The following SIMC1 variants were observed in gnomAD, a reference collection of about 807,000 sequenced individuals.
The protein encoded by SIMC1 is SUMO-interacting motif-containing protein 1.
A neutral mutation model predicts 82.3 loss-of-function variants in SIMC1; 55 were observed. That is an observed-to-expected ratio of 0.67 (90% CI 0.54 to 0.84). The LOEUF (loss-of-function observed/expected upper bound fraction) is 0.84. Among genes scored for constraint, SIMC1 ranks in the 40% least tolerant of loss-of-function variants. The probability of loss-of-function intolerance (pLI) is 0.00; values close to 1 mark genes in which losing one functional copy is unlikely to be tolerated. For missense variants in SIMC1, 915 were observed against 1,107.2 expected, an observed-to-expected ratio of 0.83 and a Z score of 2.46; for synonymous variants, 353 against 426.3, an observed-to-expected ratio of 0.83 and a Z score of 2.12.
At chr5:176,246,062 T>C (rs1581212336) in intron 1 of SIMC1, among the ~76,000 whole-genome samples, 1 of 144,264 alleles carries the variant, frequency 6.9e-6, no homozygotes, top group Non-Finnish European at 1.5e-5. Context: ...CAGGCTGGAG[T>C]GCAGTGGCAC....
At chr5:176,310,090 T>C (rs1190161726) in intron 4 of SIMC1, among the ~76,000 whole-genome samples, 1 of 152,150 alleles carries the variant, frequency 6.6e-6, no homozygotes. Context: ...GGAATGCAAA[T>C]TGAAACCACA....
chr5:176,302,729 C>T (rs1032077962), intron 4 of SIMC1, among the ~76,000 whole-genome samples: 1 of 151,630 alleles, frequency 6.6e-6, no homozygotes, highest in Non-Finnish European at 1.5e-5. Context: ...ATAAAACCAG[C>T]TCACAAAACT....
intron 4 of SIMC1, chr5:176,308,687 G>T (rs578148925): frequency 6.5e-7 from 1 of 1,545,038 alleles, no homozygotes; most frequent in Admixed American, 1.7e-5. Context: ...AAGAGGAAAG[G>T]TATGAGAGAA....
chr5:176,283,176 C>A (rs1441853635), intron 1 of SIMC1, among the ~76,000 whole-genome samples: 1 of 152,124 alleles, frequency 6.6e-6, no homozygotes, highest in African/African-American at 2.4e-5. Context: ...ATAGAGAATG[C>A]CACAAAGATA....
At chr5:176,287,672 CAAACACTTAAA>C (rs1763355606) in intron 1 of SIMC1, among the ~76,000 whole-genome samples, 2 of 143,952 alleles carry the variant, frequency 1.4e-5, no homozygotes, top group African/African-American at 5.2e-5. Context: ...AAAATGTAAG[CAAACACTTAAA>C]AAAATAAAAT....
At chr5:176,249,449 T>A (rs1761566929) in intron 1 of SIMC1, among the ~76,000 whole-genome samples, 1 of 152,104 alleles carries the variant, frequency 6.6e-6, no homozygotes, top group Non-Finnish European at 1.5e-5. Context: ...AGTGGCGATA[T>A]CCCCTTTATT....
chr5:176,322,172 C>T (rs1325630611), intron 5 of SIMC1, 101 bp from the exon 6 acceptor site: 3 of 1,362,218 alleles, frequency 2.2e-6, no homozygotes, highest in East Asian at 2.5e-5. Context: ...TAGTTCTGAG[C>T]ACCATAAATA....
chr5:176,257,311 A>AT (rs1225896267), intron 1 of SIMC1, among the ~76,000 whole-genome samples: 1 of 152,206 alleles, frequency 6.6e-6, no homozygotes, highest in African/African-American at 2.4e-5. Context: ...TTATATAAAA[A>AT]TTTTTTTTAA....
chr5:176,316,768 C>T lies in SIMC1; in HGVS notation c.1889+2923C>T, dbSNP rs541218373. ...CAGCACTTTGGGAGGCCAAGGTGGG[C>T]GGATCACATGAGGCCAGGAGTTTGA... On this transcript the variant is annotated intron_variant, in intron 5 of 9. Coordinates refer to ENST00000429602, the MANE Select transcript of SIMC1 (RefSeq NM_001308195.2). Among the ~76,000 whole-genome samples the T allele has an allele frequency of 4.6e-5, 7 of 152,022 alleles. 1 individual carries two copies. In the South Asian group the frequency reaches 1.5e-3, roughly 32 times the overall value.
intron 7 of SIMC1, among the ~76,000 whole-genome samples, chr5:176,332,283 GT>G (rs1328870409): frequency 6.6e-6 from 1 of 151,876 alleles, no homozygotes; most frequent in African/African-American, 2.4e-5. Context: ...CTTTTTGTTT[GT>G]TTTTGTTTGT....
At chr5:176,261,555 T>G (rs1397462391) in intron 1 of SIMC1, among the ~76,000 whole-genome samples, 1 of 151,998 alleles carries the variant, frequency 6.6e-6, no homozygotes, top group African/African-American at 2.4e-5. Context: ...GAGACCAGCC[T>G]GGCCAACATG....
At chr5:176,263,350 G>C in intron 1 of SIMC1, 4 of 1,292,778 alleles carry the variant, frequency 3.1e-6, no homozygotes, top group Non-Finnish European at 1.1e-6. Flanking sequence ...TTGCATTGCT[G>C]TAAGGGAATA....
At chr5:176,279,779 G>C (rs147489778) in intron 1 of SIMC1, among the ~76,000 whole-genome samples, 20,471 of 149,514 alleles carry the variant, frequency 0.14, 1,416 homozygotes, top group Middle Eastern at 0.2. Context: ...TGTAGTTGAG[G>C]AGTTTTGAGT....
chr5:176,277,665 A>T (rs1323601365), intron 1 of SIMC1, among the ~76,000 whole-genome samples: 2 of 152,052 alleles, frequency 1.3e-5, no homozygotes, highest in Admixed American at 6.6e-5. Flanking sequence ...CTTTCTACAT[A>T]TGGCTAGCCG....
intron 1 of SIMC1, among the ~76,000 whole-genome samples, chr5:176,242,962 C>A (rs900231233): frequency 3.9e-5 from 6 of 151,978 alleles, no homozygotes; most frequent in African/African-American, 1.5e-4. Flanking sequence ...TTCTTTTAAT[C>A]TTTGCTGTTT....
chr5:176,344,673 G>A (rs984363176), intron 9 of SIMC1, among the ~76,000 whole-genome samples: 4 of 152,104 alleles, frequency 2.6e-5, no homozygotes, highest in African/African-American at 9.7e-5. Context: ...AGAGTGAGGA[G>A]GTGCTACGTA....
chr5:176,320,605 A>G (rs950069311), intron 5 of SIMC1, among the ~76,000 whole-genome samples: 14 of 152,080 alleles, frequency 9.2e-5, no homozygotes, highest in African/African-American at 3.1e-4. Context: ...CTTGGACTCA[A>G]GCCATTTGCC....
chr5:176,308,513 A>C, intron 4 of SIMC1: 10 of 1,606,044 alleles, frequency 6.2e-6, no homozygotes, highest in Non-Finnish European at 8.5e-6. Flanking sequence ...AAGGCTTTGT[A>C]GGACTTATTT....
chr5:176,290,045 C>G lies in SIMC1; in HGVS notation c.521C>G (p.Ala174Gly). Residue 174 changes from alanine to glycine, a missense_variant, in exon 2 of 10, where the codon GCA (alanine) becomes GGA (glycine). Physicochemically the swap from Ala to Gly is moderately conservative, Grantham distance 60. Transcript: ENST00000429602. ...ATFTGNLSFLASLQLSSDVSS... is the reference protein window; with the variant it reads ...ATFTGNLSFLGSLQLSSDVSS... ...TTCACAGGTAACCTCAGCTTCTTGG[C>G]AAGTCTACAGCTGTCTTCAGATGTT... The G allele has an allele frequency of 6.2e-7, 1 of 1,612,418 alleles. No homozygotes were observed.
Sources: allele counts gnomAD v4.1 joint callset (sites outside exome capture counted in the v4.1 genomes callset), GRCh38; gene constraint gnomAD v4.1.1; transcripts MANE v1.5; gene names NCBI Gene and HGNC (gene_info 2026-07-23, HGNC 2026-07-21).